ZMAT4: variants seen among roughly 807,000 people sequenced by gnomAD.
The protein encoded by ZMAT4 is zinc finger matrin-type protein 4.
Under a neutral mutation model 28.7 loss-of-function variants are expected in ZMAT4, and 17 were observed. The observed-to-expected ratio is 0.59, with a 90% confidence interval of 0.41 to 0.89. ZMAT4 has a LOEUF of 0.89. Among genes scored for constraint, ZMAT4 ranks in the 40% least tolerant of loss-of-function variants. The pLI is 0.00. For synonymous variants in ZMAT4, 117 were observed against 109.2 expected (o/e 1.07, Z -0.44); for missense variants, 240 against 283.8 (o/e 0.85, Z 1.11).
chr8:40,752,213 C>G (rs1358773115), intron 3 of ZMAT4, among the ~76,000 whole-genome samples: 2 of 152,210 alleles, frequency 1.3e-5, no homozygotes, highest in Non-Finnish European at 2.9e-5. Flanking sequence ...TGGCACCTAT[C>G]TGGAACCCAG....
At chr8:40,600,432 G>A (rs1805260708) in intron 5 of ZMAT4, among the ~76,000 whole-genome samples, 1 of 152,216 alleles carries the variant, frequency 6.6e-6, no homozygotes. Flanking sequence ...ACTTCATACA[G>A]GGTGTGGCCA....
At chr8:40,635,481 C>T (rs7833815) in intron 5 of ZMAT4, among the ~76,000 whole-genome samples, 18,762 of 152,134 alleles carry the variant, frequency 0.12, 1,441 homozygotes, top group African/African-American at 0.22. Flanking sequence ...TACGCAGATA[C>T]ACTCTCACAC....
intron 2 of ZMAT4, among the ~76,000 whole-genome samples, chr8:40,792,349 T>G (rs1814367358): frequency 6.6e-6 from 1 of 150,478 alleles, no homozygotes; most frequent in Admixed American, 6.6e-5. Flanking sequence ...CTGGCCACTT[T>G]CCCCTCTCAA....
At chr8:40,801,358 A>ATATATATG (rs1212674823) in intron 2 of ZMAT4, among the ~76,000 whole-genome samples, 9 of 144,066 alleles carry the variant, frequency 6.2e-5, no homozygotes, top group Non-Finnish European at 1.1e-4. Context: ...AAAAATATAT[A>ATATATATG]TATATATATA....
At chr8:40,827,083 T>G (rs970597858) in intron 1 of ZMAT4, among the ~76,000 whole-genome samples, 1 of 152,208 alleles carries the variant, frequency 6.6e-6, no homozygotes, top group Non-Finnish European at 1.5e-5. Context: ...AAAGTTACAT[T>G]GCTAGTCATT....
At chr8:40,537,998 C>G (rs1802901304) in intron 6 of ZMAT4, among the ~76,000 whole-genome samples, 1 of 152,164 alleles carries the variant, frequency 6.6e-6, no homozygotes, top group African/African-American at 2.4e-5. Flanking sequence ...GAAACCCTCC[C>G]CATAACCATT....
chr8:40,648,355 G>A (rs7835682), intron 5 of ZMAT4, among the ~76,000 whole-genome samples: 142,631 of 145,818 alleles, frequency 0.98, 69,855 homozygotes, highest in East Asian at 1. Flanking sequence ...GAAATGAAGC[G>A]AGAAGGGAAG....
chr8:40,894,697 C>T (rs6985757), intron 1 of ZMAT4, among the ~76,000 whole-genome samples: 18,434 of 152,056 alleles, frequency 0.12, 1,220 homozygotes, highest in Non-Finnish European at 0.15. Context: ...ACCTCTTCAA[C>T]TTTCTGAGGT....
intron 1 of ZMAT4, among the ~76,000 whole-genome samples, chr8:40,831,884 C>T (rs974292680): frequency 2.0e-5 from 3 of 152,202 alleles, no homozygotes; most frequent in Non-Finnish European, 4.4e-5. Context: ...CACTGAAGTA[C>T]TTCCCCTGAG....
intron 6 of ZMAT4, among the ~76,000 whole-genome samples, chr8:40,580,669 A>T (rs1449899990): frequency 6.6e-6 from 1 of 152,210 alleles, no homozygotes; most frequent in Non-Finnish European, 1.5e-5. Context: ...AAATGGAATA[A>T]GTTTCCATTC....
chr8:40,779,721 C>G (rs552306934), intron 2 of ZMAT4, among the ~76,000 whole-genome samples: 1 of 152,118 alleles, frequency 6.6e-6, no homozygotes. Context: ...TTAAAAATTG[C>G]GGCTTTCCTT....
At chr8:40,686,781 C>T (rs1289879045) in intron 4 of ZMAT4, among the ~76,000 whole-genome samples, 2 of 152,046 alleles carry the variant, frequency 1.3e-5, no homozygotes, top group Non-Finnish European at 2.9e-5. Context: ...GAGAATGTTT[C>T]CTAAAATAAA....
At chr8:40,717,790 C>G (rs1039139053) in intron 3 of ZMAT4, among the ~76,000 whole-genome samples, 1 of 151,994 alleles carries the variant, frequency 6.6e-6, no homozygotes, top group Admixed American at 6.5e-5. Context: ...CAATAGGAAC[C>G]TACTTTACTA....
intron 5 of ZMAT4, among the ~76,000 whole-genome samples, chr8:40,651,395 G>T (rs1469783063): frequency 6.6e-6 from 1 of 151,860 alleles, no homozygotes; most frequent in East Asian, 1.9e-4. Flanking sequence ...TCTTCAAGGA[G>T]AACTACAAAC....
At chr8:40,841,389 C>G (rs1051470607) in intron 1 of ZMAT4, among the ~76,000 whole-genome samples, 1 of 152,204 alleles carries the variant, frequency 6.6e-6, no homozygotes, top group East Asian at 1.9e-4. Flanking sequence ...AGGCCGCCCC[C>G]CTGCCACCAA....
intron 1 of ZMAT4, among the ~76,000 whole-genome samples, chr8:40,881,544 A>AAG (rs1554498023): frequency 1.5e-5 from 1 of 68,178 alleles, no homozygotes; most frequent in Non-Finnish European, 3.0e-5. Flanking sequence ...GAAAGAAAGA[A>AAG]AGAAAGAAAG....
At chr8:40,589,640 TG>T (rs984609532) in intron 5 of ZMAT4, among the ~76,000 whole-genome samples, 14 of 152,148 alleles carry the variant, frequency 9.2e-5, no homozygotes, top group African/African-American at 3.1e-4. Context: ...CAAGCAGAAT[TG>T]ATCTTTGTAA....
At chr8:40,893,294 G>A (rs557970623) in intron 1 of ZMAT4, among the ~76,000 whole-genome samples, 33 of 152,338 alleles carry the variant, frequency 2.2e-4, no homozygotes, top group Non-Finnish European at 4.1e-4. Context: ...CAGAGCTGTA[G>A]CATCTGCAGT....
chr8:40,703,043 C>G (rs1810212681), intron 3 of ZMAT4, among the ~76,000 whole-genome samples: 8 of 151,368 alleles, frequency 5.3e-5, no homozygotes, highest in Admixed American at 5.3e-4. Context: ...TAAGGTGTCT[C>G]TAAACAGAAA....
Sources: gnomAD v4.1 joint callset for allele counts (sites outside exome capture counted in the v4.1 genomes callset) on GRCh38, gnomAD v4.1.1 for gene constraint, MANE v1.5 for transcripts, NCBI Gene and HGNC (gene_info 2026-07-23, HGNC 2026-07-21) for gene names.